The following DAP3 variants were observed in gnomAD, a reference collection of about 807,000 sequenced individuals.
DAP3 encodes the protein small ribosomal subunit protein mS29.
Under a neutral mutation model 51.9 loss-of-function variants are expected in DAP3, and 28 were observed. That is an observed-to-expected ratio of 0.54 (90% CI 0.40 to 0.74). The LOEUF is 0.74. Ranked by LOEUF, DAP3 falls within the 30% of genes least tolerant of loss-of-function variation. The pLI is 0.00. For synonymous variants in DAP3, 170 were observed against 170.3 expected, an observed-to-expected ratio of 1.00 and a Z score of 0.01; for missense variants, 458 against 483.5, an observed-to-expected ratio of 0.95 and a Z score of 0.49.
At chr1:155,688,610 C>A, upstream of DAP3, 2 of 1,534,774 alleles carry the variant, frequency 1.3e-6, no homozygotes, top group Non-Finnish European at 1.7e-6. Flanking sequence ...GTTCTCCACT[C>A]CCCCTCAGAC....
chr1:155,731,367 G>A lies in DAP3; in HGVS notation c.855G>A (p.Glu285=), dbSNP rs1394859316. The change falls in exon 10 of 13, where the codon GAG becomes GAA. Residue 285 remains glutamate (E), a synonymous_variant. Transcript: ENST00000368336. ...KREDKSPIAP[E]ELALVHNLRK... ...TGTCCGATATGCAGATTGCCCCCGA[G>A]GAATTAGCACTTGTTCACAACTTGA... 6.2e-7 allele frequency: 1 copy of A among 1,613,902 alleles called. No homozygotes were observed. The highest frequency in any genetic ancestry group is 8.5e-7 in the Non-Finnish European group (1 of 1,179,996).
intron 6 of DAP3, chr1:155,726,354 T>G (rs1177696434): frequency 6.3e-6 from 1 of 157,652 alleles, no homozygotes; most frequent in Non-Finnish European, 1.4e-5. Context: ...AGTGGCACGA[T>G]CTCAGCTCAC....
chr1:155,720,633 A>G (rs1657880172), intron 3 of DAP3, among the ~76,000 whole-genome samples: 1 of 151,542 alleles, frequency 6.6e-6, no homozygotes, highest in African/African-American at 2.4e-5. Context: ...GGGCAACAAG[A>G]GTGAAACTCC....
intron 2 of DAP3, among the ~76,000 whole-genome samples, chr1:155,713,998 A>G (rs1657028751): frequency 6.6e-6 from 1 of 152,198 alleles, no homozygotes; most frequent in Non-Finnish European, 1.5e-5. Context: ...GCAAATTTTC[A>G]CTGAGGATGT....
chr1:155,702,296 C>T (rs574971674), intron 1 of DAP3, among the ~76,000 whole-genome samples: 102 of 150,658 alleles, frequency 6.8e-4, no homozygotes, highest in African/African-American at 2.4e-3. Flanking sequence ...AGGGAAACCC[C>T]GTCTCTACTA....
At chr1:155,726,221 C>A (rs1658568453) in intron 6 of DAP3, 1 of 365,428 alleles carries the variant, frequency 2.7e-6, no homozygotes, top group Non-Finnish European at 4.9e-6. Flanking sequence ...TCAAGAGATT[C>A]TCCTGCCTCA....
intron 1 of DAP3, among the ~76,000 whole-genome samples, chr1:155,699,631 T>TGAGGC (rs1654937082): frequency 6.6e-6 from 1 of 152,196 alleles, no homozygotes; most frequent in African/African-American, 2.4e-5. Context: ...TTTTTTAATT[T>TGAGGC]GAGGCAGGGT....
intron 3 of DAP3, among the ~76,000 whole-genome samples, chr1:155,718,770 A>G (rs1423104949): frequency 2.6e-5 from 4 of 152,054 alleles, no homozygotes; most frequent in Non-Finnish European, 5.9e-5. Flanking sequence ...ATGAAGATAT[A>G]TATATATACC....
intron 1 of DAP3, among the ~76,000 whole-genome samples, chr1:155,698,197 G>A (rs557984675): frequency 1.3e-5 from 2 of 152,194 alleles, no homozygotes; most frequent in Admixed American, 6.5e-5. Flanking sequence ...TACATCCCCA[G>A]CTTACGAAGA....
Position 155,689,150 on chromosome 1 carries a change from C to G in DAP3, c.-32C>G. 1.2e-6 allele frequency: 1 copy of G among 808,304 alleles called. No homozygotes were observed. The highest frequency in any genetic ancestry group is 2.1e-6 in the Non-Finnish European group (1 of 486,528). The allele number at this position is 808,304 out of a possible 1,614,324, so 50.1% of individuals were successfully genotyped here. A position where few individuals can be genotyped will look rare whatever the true frequency, so the allele number is the denominator to read the frequency against. On this transcript the variant is annotated 5_prime_UTR_variant, in exon 1 of 13. Transcript: ENST00000368336. ...AGGCAGCGTGTGTCGGTCGCCTAGT[C>G]TGGAGAACTAGTCCTCGACTCACGG...
At chr1:155,724,623 A>C (rs1452818175) in intron 4 of DAP3, among the ~76,000 whole-genome samples, 1 of 138,596 alleles carries the variant, frequency 7.2e-6, no homozygotes, top group Non-Finnish European at 1.5e-5. Flanking sequence ...ACAGAGTGAG[A>C]CTCTGTCTCA....
upstream of DAP3, chr1:155,688,343 A>T: frequency 6.5e-7 from 1 of 1,549,476 alleles, no homozygotes; most frequent in Non-Finnish European, 8.7e-7. Flanking sequence ...GCGGCAGCAG[A>T]GTGGCCGCGG....
At chr1:155,702,662 G>T (rs191661235) in intron 1 of DAP3, among the ~76,000 whole-genome samples, 70 of 151,938 alleles carry the variant, frequency 4.6e-4, no homozygotes, top group Admixed American at 3.9e-3. Flanking sequence ...AATTGTCTTG[G>T]CATCCATGTT....
intron 2 of DAP3, among the ~76,000 whole-genome samples, chr1:155,715,264 A>G (rs961836687): frequency 6.7e-6 from 1 of 149,028 alleles, no homozygotes; most frequent in Admixed American, 6.7e-5. Context: ...GCTCACACCT[A>G]TCATCCCAGC....
In DAP3 at chr1:155,729,340, ACT is replaced by A. The variant is rs766232102; in HGVS notation, c.820_821del (p.Leu274GlufsTer5). The A allele has an allele frequency of 2.5e-6, 4 of 1,613,828 alleles. No individual in the cohort carries two copies. The highest frequency in any genetic ancestry group is 3.4e-6 in the Non-Finnish European group (4 of 1,179,992). ...AATCAATGCTCTTTGGGGAAGAACC[ACT>A]CTGAAAAGAGAAGATAAAAGCCCGG... Reference protein sequence around the residue: ...DGINALWGRTTLKREDKSPIA... With the variant: ...DGINALWGRTXLKREDKSPIA... On this transcript the variant is annotated frameshift_variant, in exon 9 of 13. Coordinates refer to ENST00000368336, the MANE Select transcript of DAP3 (RefSeq NM_004632.4). LOFTEE classifies it high-confidence loss of function.
In DAP3 at chr1:155,700,773, G is replaced by A. The variant is rs1250909795; in HGVS notation, c.-7-9000G>A. Among the ~76,000 whole-genome samples the A allele has an allele frequency of 5.6e-5, 8 of 141,778 alleles. No individual in the cohort carries two copies. In the South Asian group the frequency reaches 9.2e-4, roughly 16 times the overall value. The allele number at this position is 141,778 out of a possible 152,430, so 93.0% of individuals were successfully genotyped here. A position where few individuals can be genotyped will look rare whatever the true frequency, so the allele number is the denominator to read the frequency against. Reference sequence around the variant, plus strand: ...GGGTCAGCCCTCCGCCCAGCCAGCCGCGCCGTCTGGGAGGTGAGGGGTGCC... The same window carrying A: ...GGGTCAGCCCTCCGCCCAGCCAGCCACGCCGTCTGGGAGGTGAGGGGTGCC... On this transcript the variant is annotated intron_variant, in intron 1 of 12. Coordinates refer to ENST00000368336, the MANE Select transcript of DAP3 (RefSeq NM_004632.4).
intron 11 of DAP3, among the ~76,000 whole-genome samples, chr1:155,734,328 CT>C (rs1659545604): frequency 6.6e-6 from 1 of 151,688 alleles, no homozygotes; most frequent in African/African-American, 2.4e-5. Context: ...TGAATGTTGT[CT>C]TTTTCTTTTC....
At chr1:155,694,535 C>T (rs1207040206) in intron 1 of DAP3, among the ~76,000 whole-genome samples, 1 of 141,582 alleles carries the variant, frequency 7.1e-6, no homozygotes, top group Non-Finnish European at 1.5e-5. Flanking sequence ...GTGGGTCAGC[C>T]TCTTGATCTG....
chr1:155,721,398 A>ATG (rs1010299403), intron 3 of DAP3, 119 bp from the exon 4 acceptor site: 44 of 439,930 alleles, frequency 1.0e-4, no homozygotes, highest in African/African-American at 7.6e-4. Context: ...ATATGTATGT[A>ATG]TGTATATATA....
Sources: gnomAD v4.1 joint callset for allele counts (sites outside exome capture counted in the v4.1 genomes callset) on GRCh38, gnomAD v4.1.1 for gene constraint, MANE v1.5 for transcripts, NCBI Gene and HGNC (gene_info 2026-07-23, HGNC 2026-07-21) for gene names.